The following ZNF600 variants were observed in gnomAD, a reference collection of about 807,000 sequenced individuals.
The protein encoded by ZNF600 is zinc finger protein KR-ZNF1.
ZNF600 carries 4 observed loss-of-function variants against 7.3 expected under a neutral mutation model. That is an observed-to-expected ratio of 0.55 (90% confidence interval 0.27 to 1.25). ZNF600 has a LOEUF of 1.25. Among genes scored for constraint, ZNF600 ranks in the 50% most tolerant of loss-of-function variants. The pLI is 0.12. For missense variants in ZNF600, 911 were observed against 922.1 expected, an observed-to-expected ratio of 0.99 and a Z score of 0.16; for synonymous variants, 290 against 308.9, an observed-to-expected ratio of 0.94 and a Z score of 0.64.
chr19:52,786,820 C>T, upstream of ZNF600: 1 of 328,370 alleles, frequency 3.0e-6, no homozygotes, highest in African/African-American at 2.1e-5. Flanking sequence ...GTTGGCTGGA[C>T]CTGGGCGGGG....
chr19:52,822,600 A>C, the ZNF600 span, among the ~76,000 whole-genome samples: 1 of 152,206 alleles, frequency 6.6e-6, no homozygotes, highest in South Asian at 2.1e-4. Flanking sequence ...CGTTAAGTAC[A>C]TGTTTTCAAG....
chr19:52,773,479 A>T (rs575237828), intron 3 of ZNF600, among the ~76,000 whole-genome samples: 1 of 152,110 alleles, frequency 6.6e-6, no homozygotes, highest in African/African-American at 2.4e-5. Flanking sequence ...GTACACACAA[A>T]AAAATAAGTA....
the ZNF600 span, among the ~76,000 whole-genome samples, chr19:52,807,446 A>G: frequency 6.6e-6 from 1 of 152,142 alleles, no homozygotes; most frequent in South Asian, 2.1e-4. Context: ...AGGGAACTGG[A>G]TATCTTTAAA....
upstream of ZNF600, among the ~76,000 whole-genome samples, chr19:52,791,436 C>T (rs1330729035): frequency 6.6e-6 from 1 of 152,232 alleles, no homozygotes; most frequent in East Asian, 1.9e-4. Flanking sequence ...CTGGCTGCTA[C>T]AATACCTGGC....
At chr19:52,812,745 C>T in the ZNF600 span, among the ~76,000 whole-genome samples, 4 of 87,940 alleles carry the variant, frequency 4.5e-5, no homozygotes, top group South Asian at 4.4e-4. Context: ...CTGCGAGAAA[C>T]ACCCAAGAAT....
the ZNF600 span, among the ~76,000 whole-genome samples, chr19:52,826,209 T>C: frequency 2.6e-5 from 4 of 151,938 alleles, no homozygotes; most frequent in South Asian, 2.1e-4. Flanking sequence ...TTAAAAGCAA[T>C]AATAGAACAA....
chr19:52,822,214 A>T, the ZNF600 span, among the ~76,000 whole-genome samples: 1 of 151,146 alleles, frequency 6.6e-6, no homozygotes, highest in Non-Finnish European at 1.5e-5. Context: ...CTGGCACTAC[A>T]GGCACACCCA....
the ZNF600 span, among the ~76,000 whole-genome samples, chr19:52,804,827 A>T: frequency 6.6e-5 from 10 of 152,220 alleles, no homozygotes; most frequent in African/African-American, 2.4e-4. Flanking sequence ...TTCTAACAGG[A>T]CAGTGAAATG....
At chr19:52,831,339 T>C in the ZNF600 span, among the ~76,000 whole-genome samples, 11 of 152,028 alleles carry the variant, frequency 7.2e-5, no homozygotes, top group Admixed American at 7.2e-4. Context: ...AGATGGAGTG[T>C]CACTCTATTG....
the ZNF600 span, among the ~76,000 whole-genome samples, chr19:52,795,832 C>T: frequency 6.7e-6 from 1 of 149,962 alleles, no homozygotes; most frequent in Non-Finnish European, 1.5e-5. Flanking sequence ...TCCCAAAGTG[C>T]TGGGATTACA....
intron 1 of ZNF600, among the ~76,000 whole-genome samples, chr19:52,786,243 G>A (rs1479515677): frequency 6.6e-6 from 1 of 152,122 alleles, no homozygotes; most frequent in Non-Finnish European, 1.5e-5. Flanking sequence ...AAGACTTGGG[G>A]AGCAGCAGGG....
chr19:52,783,321 TC>T (rs2062738203), intron 1 of ZNF600, among the ~76,000 whole-genome samples: 1 of 152,120 alleles, frequency 6.6e-6, no homozygotes, highest in Non-Finnish European at 1.5e-5. Context: ...GCACCCAGGG[TC>T]CCCCTTCGTC....
intron 1 of ZNF600, among the ~76,000 whole-genome samples, chr19:52,785,544 C>T (rs1337618204): frequency 1.3e-5 from 2 of 152,158 alleles, no homozygotes; most frequent in Admixed American, 6.5e-5. Context: ...CCACAGCGCC[C>T]GGTCCTTATT....
the ZNF600 span, chr19:52,801,470 T>A: frequency 3.7e-6 from 6 of 1,614,090 alleles, no homozygotes; most frequent in African/African-American, 8.0e-5. Flanking sequence ...TTTGATCATG[T>A]TGGCCTGTAC....
At chr19:52,811,097 T>A in the ZNF600 span, among the ~76,000 whole-genome samples, 1 of 149,946 alleles carries the variant, frequency 6.7e-6, no homozygotes, top group South Asian at 2.1e-4. Context: ...TTTCGCTGTG[T>A]TGGCTGGGCT....
At chr19:52,785,076 G>A (rs144208793) in intron 1 of ZNF600, among the ~76,000 whole-genome samples, 3,044 of 151,580 alleles carry the variant, frequency 0.02, 63 homozygotes, top group Non-Finnish European at 0.032. Context: ...CTAATTCTGT[G>A]CATATCTCTC....
the ZNF600 span, among the ~76,000 whole-genome samples, chr19:52,828,475 A>G: frequency 1.3e-5 from 2 of 152,142 alleles, no homozygotes; most frequent in African/African-American, 4.8e-5. Flanking sequence ...TCAAAAAAGA[A>G]AAGAAGAAAT....
chr19:52,791,085 T>C (rs1471987734), upstream of ZNF600, among the ~76,000 whole-genome samples: 5 of 152,228 alleles, frequency 3.3e-5, no homozygotes, highest in East Asian at 9.6e-4. Flanking sequence ...TATCTCCCCT[T>C]ATAGGTCTCC....
At chr19:52,802,781 G>A in the ZNF600 span, among the ~76,000 whole-genome samples, 6 of 120,876 alleles carry the variant, frequency 5.0e-5, no homozygotes, top group East Asian at 2.1e-4. Flanking sequence ...TTTTTTTTGC[G>A]ACGAAATCTT....
Sources: gnomAD v4.1 joint callset for allele counts (sites outside exome capture counted in the v4.1 genomes callset) on GRCh38, gnomAD v4.1.1 for gene constraint, MANE v1.5 for transcripts, NCBI Gene and HGNC (gene_info 2026-07-23, HGNC 2026-07-21) for gene names.